The following EFCAB5 variants were observed in gnomAD, a reference collection of about 807,000 sequenced individuals.
The protein encoded by EFCAB5 is EF-hand calcium-binding domain-containing protein 5.
In EFCAB5, 131 loss-of-function variants were observed where a neutral mutation model predicts 167.9. That is an observed-to-expected ratio of 0.78 (90% CI 0.68 to 0.90). The LOEUF (loss-of-function observed/expected upper bound fraction) is 0.90, where lower values mean the gene tolerates loss of function less well. Ranked by LOEUF, EFCAB5 falls within the 40% of genes least tolerant of loss-of-function variation. The probability of loss-of-function intolerance (pLI) is 0.00; values close to 1 mark genes in which losing one functional copy is unlikely to be tolerated. For missense variants in EFCAB5, 1,663 were observed against 1,745.2 expected, an observed-to-expected ratio of 0.95 and a Z score of 0.84; for synonymous variants, 574 against 602.8, an observed-to-expected ratio of 0.95 and a Z score of 0.70.
At chr17:29,948,222 C>A (rs2067442986) in intron 3 of EFCAB5, among the ~76,000 whole-genome samples, 1 of 152,056 alleles carries the variant, frequency 6.6e-6, no homozygotes, top group South Asian at 2.1e-4. Context: ...TAGTTTGTGG[C>A]CATATTTGCA....
At chr17:30,025,444 A>C (rs1389571015) in intron 7 of EFCAB5, among the ~76,000 whole-genome samples, 3 of 152,170 alleles carry the variant, frequency 2.0e-5, no homozygotes, top group Admixed American at 6.5e-5. Context: ...GCCATCAGAG[A>C]AATGCAAATC....
At chr17:30,036,042 G>GTATATATTTTATATATAACCATATATTTA (rs1265685420) in intron 8 of EFCAB5, among the ~76,000 whole-genome samples, 5 of 142,786 alleles carry the variant, frequency 3.5e-5, no homozygotes, top group South Asian at 2.1e-4. Context: ...CTATATATTT[G>GTATATATTTTATATATAACCATATATTTA]TATATATTTT....
chr17:30,095,966 A>G (rs1261817929), intron 22 of EFCAB5, among the ~76,000 whole-genome samples: 2 of 148,730 alleles, frequency 1.3e-5, no homozygotes, highest in African/African-American at 2.4e-5. Context: ...TTTATTTACA[A>G]GTTGCTCACA....
intron 8 of EFCAB5, among the ~76,000 whole-genome samples, chr17:30,044,914 ACT>A (rs1449646425): frequency 2.0e-5 from 3 of 152,192 alleles, no homozygotes; most frequent in Non-Finnish European, 4.4e-5. Context: ...ATGTCCATCG[ACT>A]TGTGGATGAT....
chr17:29,968,743 A>T, intron 3 of EFCAB5, 48 bp from the exon 4 acceptor site: 1 of 1,384,854 alleles, frequency 7.2e-7, no homozygotes, highest in Non-Finnish European at 9.5e-7. Flanking sequence ...CACATAGATT[A>T]AAATTTACTT....
chr17:30,003,143 A>G (rs983518513), intron 7 of EFCAB5, among the ~76,000 whole-genome samples: 1 of 146,584 alleles, frequency 6.8e-6, no homozygotes, highest in Admixed American at 6.9e-5. Context: ...GGTAAATTCT[A>G]CTGTTCTGTG....
At chr17:29,966,399 G>T (rs777693679) in intron 3 of EFCAB5, among the ~76,000 whole-genome samples, 27 of 152,128 alleles carry the variant, frequency 1.8e-4, no homozygotes, top group Admixed American at 1.8e-3. Flanking sequence ...GGGAGGCCAA[G>T]GTGGGTGAAT....
chr17:29,959,465 C>A (rs530771920), intron 3 of EFCAB5, among the ~76,000 whole-genome samples: 7 of 152,056 alleles, frequency 4.6e-5, no homozygotes, highest in African/African-American at 1.7e-4. Context: ...GAAGCCTGCA[C>A]GGCACTGGGT....
At chr17:29,974,689 A>T (rs759465932) in intron 4 of EFCAB5, among the ~76,000 whole-genome samples, 1 of 152,190 alleles carries the variant, frequency 6.6e-6, no homozygotes, top group Non-Finnish European at 1.5e-5. Context: ...ATTTTGGAAA[A>T]TTTCATTACA....
At chr17:29,945,715 C>G (rs1228830881) in intron 3 of EFCAB5, among the ~76,000 whole-genome samples, 6 of 152,094 alleles carry the variant, frequency 3.9e-5, no homozygotes, top group Admixed American at 2.6e-4. Flanking sequence ...CTTGACAAAG[C>G]ACACAGAAAC....
chr17:30,091,616 C>G (rs2071198492), intron 20 of EFCAB5, among the ~76,000 whole-genome samples: 1 of 152,088 alleles, frequency 6.6e-6, no homozygotes, highest in Non-Finnish European at 1.5e-5. Flanking sequence ...GTGTTCAAAC[C>G]AGGGTCTAAC....
chr17:30,022,546 G>A (rs937288295), intron 7 of EFCAB5, among the ~76,000 whole-genome samples: 9 of 152,146 alleles, frequency 5.9e-5, no homozygotes, highest in African/African-American at 2.2e-4. Context: ...AGAAAAGTGA[G>A]ACTTCAGCAG....
intron 2 of EFCAB5, 147 bp from the exon 3 acceptor site, chr17:29,943,418 T>C: frequency 1.8e-6 from 1 of 555,492 alleles, no homozygotes; most frequent in Non-Finnish European, 3.0e-6. Context: ...GCTTCTAATA[T>C]ACAGCATTAG....
intron 3 of EFCAB5, among the ~76,000 whole-genome samples, chr17:29,959,103 G>A (rs1275439455): frequency 6.6e-6 from 1 of 152,182 alleles, no homozygotes; most frequent in East Asian, 1.9e-4. Flanking sequence ...CCAACCTGAA[G>A]CCGGCACAGT....
rs1200343439 is a variant in EFCAB5, at chr17:30,053,815, G to A, written c.1861G>A (p.Gly621Arg). 6.2e-7 allele frequency: 1 copy of A among 1,613,940 alleles called. No individual in the cohort carries two copies. Among genetic ancestry groups the A allele is most frequent in the Admixed American group, 1.7e-5 (1 of 60,006 alleles). The change falls in exon 10 of 23, where the codon GGG becomes AGG. Residue 621 changes from glycine to arginine, a missense_variant. Coordinates refer to ENST00000394835, the MANE Select transcript of EFCAB5 (RefSeq NM_198529.4). ...TATTGCAGAACAAGATCGACACAAA[G>A]GGTCAGTAGCAGAACAAGGATCACG... The part of the protein sequence containing the change: ...ESIAEQDRHK[G>R]SVAEQGSRRM...
In EFCAB5 at chr17:30,053,858, A is replaced by C. The variant is rs770839140; in HGVS notation, c.1904A>C (p.Glu635Ala). The part of the protein sequence containing the change: ...EQGSRRMSAA[E>A]QGSLRESVIE... The stretch of plus-strand genomic sequence containing the variant: ...GGATCACGCAGAATGTCAGCTGCAG[A>C]ACAGGGATCACTCAGAGAGTCAGTA... Residue 635 changes from glutamate (E) to alanine (A), a missense_variant, in exon 10 of 23, where the codon GAA (glutamate) becomes GCA (alanine). By Grantham distance (107) the Glu-to-Ala change is moderately radical. Coordinates refer to ENST00000394835, the MANE Select transcript of EFCAB5 (RefSeq NM_198529.4). 1 of 1,614,052 alleles carries C rather than the reference A, an allele frequency of 6.2e-7. No homozygotes were observed. The highest frequency in any genetic ancestry group is 1.7e-5 in the Admixed American group (1 of 60,030).
intron 10 of EFCAB5, among the ~76,000 whole-genome samples, chr17:30,055,322 GAGGAAGGAAGGAAGGAAGGAAGGA>G (rs71138869): frequency 5.7e-4 from 61 of 106,820 alleles, no homozygotes; most frequent in African/African-American, 2.0e-3. Context: ...GAGAGAGAGA[GAGGAAGGAAGGAAGGAAGGAAGGA>G]AGGAAGGAAG....
chr17:30,069,336 A>G, intron 14 of EFCAB5: 5 of 1,554,600 alleles, frequency 3.2e-6, no homozygotes, highest in Non-Finnish European at 4.4e-6. Context: ...ATGTTTGAAC[A>G]GGAAAATCAG....
At chr17:30,076,068 G>T (rs763984350) in intron 14 of EFCAB5, among the ~76,000 whole-genome samples, 51 of 152,128 alleles carry the variant, frequency 3.4e-4, no homozygotes, top group Non-Finnish European at 5.4e-4. Flanking sequence ...ACTAGTTTAG[G>T]ACACAACTAG....
Sources: gnomAD v4.1 joint callset for allele counts (sites outside exome capture counted in the v4.1 genomes callset) on GRCh38, gnomAD v4.1.1 for gene constraint, MANE v1.5 for transcripts, NCBI Gene and HGNC (gene_info 2026-07-23, HGNC 2026-07-21) for gene names.